Variants in LINGO2 observed in about 807,000 individuals in gnomAD.
LINGO2 encodes the protein leucine rich repeat and Ig domain containing 2.
A neutral mutation model predicts 30.6 loss-of-function variants in LINGO2; 14 were observed. That is an observed-to-expected ratio of 0.46 (90% CI 0.30 to 0.72). The LOEUF is 0.72. Among genes scored for constraint, LINGO2 ranks in the 30% least tolerant of loss-of-function variants. The pLI, the probability that LINGO2 is intolerant of heterozygous loss-of-function variation, is 0.07. For missense variants in LINGO2, 729 were observed against 751.7 expected (o/e 0.97, Z 0.35); for synonymous variants, 317 against 288.5 (o/e 1.10, Z -1.00).
intron 1 of LINGO2, among the ~76,000 whole-genome samples, chr9:28,495,287 T>C (rs1819564253): frequency 6.6e-6 from 1 of 152,230 alleles, no homozygotes; most frequent in African/African-American, 2.4e-5. Context: ...ATGAAGTCCT[T>C]GCCCATGCCT....
At chr9:28,009,408 T>A (rs1321774804) in intron 5 of LINGO2, among the ~76,000 whole-genome samples, 1 of 149,208 alleles carries the variant, frequency 6.7e-6, no homozygotes, top group African/African-American at 2.5e-5. Flanking sequence ...GTGCTGCAAA[T>A]AATACCATTA....
At chr9:27,966,764 G>C (rs767809994) in intron 5 of LINGO2, among the ~76,000 whole-genome samples, 2 of 151,864 alleles carry the variant, frequency 1.3e-5, no homozygotes, top group South Asian at 4.1e-4. Flanking sequence ...ATAAATATGC[G>C]CCTCAACTTT....
chr9:28,238,219 GAAATATTTACCAGGCAGA>G (rs1821650893), intron 4 of LINGO2, among the ~76,000 whole-genome samples: 1 of 151,800 alleles, frequency 6.6e-6, no homozygotes, highest in African/African-American at 2.4e-5. Flanking sequence ...TTAAACATTG[GAAATATTTACCAGGCAGA>G]AAATCAACGA....
chr9:28,793,166 G>A, the LINGO2 span, among the ~76,000 whole-genome samples: 1 of 151,956 alleles, frequency 6.6e-6, no homozygotes, highest in African/African-American at 2.4e-5. Context: ...AAGAGACAGA[G>A]AAACAAAACA....
intron 5 of LINGO2, among the ~76,000 whole-genome samples, chr9:27,968,904 C>G (rs766530459): frequency 2.2e-4 from 33 of 151,508 alleles, no homozygotes; most frequent in Non-Finnish European, 1.8e-4. Context: ...ACCTCTCTCT[C>G]TCTCTACTAA....
At chr9:29,151,335 G>C in the LINGO2 span, among the ~76,000 whole-genome samples, 1 of 152,066 alleles carries the variant, frequency 6.6e-6, no homozygotes, top group African/African-American at 2.4e-5. Context: ...ACACTATAAA[G>C]CAACTATAAA....
chr9:28,521,515 A>G (rs1048848451), intron 1 of LINGO2, among the ~76,000 whole-genome samples: 8 of 152,182 alleles, frequency 5.3e-5, no homozygotes, highest in African/African-American at 1.7e-4. Context: ...GTGGCAGCCA[A>G]TTAGTCATGT....
the LINGO2 span, among the ~76,000 whole-genome samples, chr9:28,981,340 A>T: frequency 6.7e-6 from 1 of 148,198 alleles, no homozygotes; most frequent in Non-Finnish European, 1.5e-5. Context: ...ACTTGAAATA[A>T]AATGTTTATT....
At chr9:28,838,453 C>T in the LINGO2 span, among the ~76,000 whole-genome samples, 1 of 152,052 alleles carries the variant, frequency 6.6e-6, no homozygotes, top group Non-Finnish European at 1.5e-5. Context: ...ATTGAATAGA[C>T]ATTACTAATA....
chr9:28,903,854 T>C, the LINGO2 span, among the ~76,000 whole-genome samples: 6 of 152,008 alleles, frequency 3.9e-5, no homozygotes, highest in Non-Finnish European at 8.8e-5. Context: ...AGGGAATACT[T>C]CAAAATTCAT....
chr9:29,161,298 C>T, the LINGO2 span, among the ~76,000 whole-genome samples: 4 of 152,178 alleles, frequency 2.6e-5, no homozygotes, highest in Non-Finnish European at 5.9e-5. Flanking sequence ...ACCATATTCA[C>T]CTGCCCACAG....
At chr9:28,989,887 C>G in the LINGO2 span, among the ~76,000 whole-genome samples, 5 of 152,144 alleles carry the variant, frequency 3.3e-5, no homozygotes, top group African/African-American at 1.2e-4. Flanking sequence ...ACCTTAAAAA[C>G]CACAAGCTAA....
At chr9:28,356,438 A>G (rs950201248) in intron 3 of LINGO2, among the ~76,000 whole-genome samples, 12 of 152,090 alleles carry the variant, frequency 7.9e-5, no homozygotes, top group African/African-American at 2.9e-4. Flanking sequence ...TGTCTCTGGG[A>G]AAGTTGAATG....
In LINGO2 at chr9:28,148,529, G is replaced by A. The variant is rs150367702; in HGVS notation, c.-86-136124C>T. 34,796 of 1,478,662 alleles carry A rather than the reference G, an allele frequency of 0.024. 506 individuals carry two copies. Among genetic ancestry groups the A allele is most frequent in the Middle Eastern group, 0.034 (144 of 4,278 alleles). 91.6% of individuals were successfully genotyped at this position (1,478,662 alleles called of 1,614,324 possible). A position where few individuals can be genotyped will look rare whatever the true frequency, so the allele number is the denominator to read the frequency against. ...CAATAAAAGGGGCCCCTGTAGCAAT[G>A]GGGAAGCAGCTTCCACCTCTAGGCC... is the stretch of plus-strand genomic sequence containing the variant. On this transcript the variant is annotated intron_variant, in intron 4 of 5. Transcript: ENST00000379992. The surrounding 1 kb of genome is among the most constrained non-coding windows in gnomAD (Gnocchi z 5.1).
At chr9:28,214,009 G>C (rs1311552677) in intron 4 of LINGO2, among the ~76,000 whole-genome samples, 1 of 151,298 alleles carries the variant, frequency 6.6e-6, no homozygotes, top group Non-Finnish European at 1.5e-5. Flanking sequence ...AGGATTTTTT[G>C]ACTTATATCT....
chr9:28,430,778 A>G (rs1303908781), intron 2 of LINGO2, among the ~76,000 whole-genome samples: 1 of 152,118 alleles, frequency 6.6e-6, no homozygotes, highest in Admixed American at 6.5e-5. Flanking sequence ...CCAGGAGCTC[A>G]GGGCTGGCTC....
the LINGO2 span, among the ~76,000 whole-genome samples, chr9:28,766,979 C>G: frequency 6.6e-6 from 1 of 151,976 alleles, no homozygotes; most frequent in Non-Finnish European, 1.5e-5. Flanking sequence ...GAAACACATA[C>G]AGAATGTGTT....
chr9:28,998,903 A>C, the LINGO2 span, among the ~76,000 whole-genome samples: 1 of 21,358 alleles, frequency 4.7e-5, no homozygotes, highest in Admixed American at 5.4e-4. Flanking sequence ...ATGAAGTTAA[A>C]ATTTTCTTCC....
chr9:29,143,924 G>A, the LINGO2 span, among the ~76,000 whole-genome samples: 1 of 152,066 alleles, frequency 6.6e-6, no homozygotes, highest in South Asian at 2.1e-4. Flanking sequence ...AGTATTTAAT[G>A]CATCTTAAGC....
Sources: allele counts gnomAD v4.1 joint callset (sites outside exome capture counted in the v4.1 genomes callset), GRCh38; gene constraint gnomAD v4.1.1; non-coding constraint Gnocchi (gnomAD v3.1); transcripts MANE v1.5; gene names NCBI Gene and HGNC (gene_info 2026-07-23, HGNC 2026-07-21).